Variants in EBAG9 observed in about 807,000 individuals in gnomAD.
The protein encoded by EBAG9 is estrogen receptor binding site associated antigen 9, also known as receptor-binding cancer antigen expressed on SiSo cells.
Under a neutral mutation model 30.9 loss-of-function variants are expected in EBAG9, and 16 were observed. That is an observed-to-expected ratio of 0.52 (90% CI 0.35 to 0.79). The LOEUF (loss-of-function observed/expected upper bound fraction) is 0.79, where lower values mean the gene tolerates loss of function less well. Among genes scored for constraint, EBAG9 ranks in the 30% least tolerant of loss-of-function variants. The pLI is 0.01. For missense variants in EBAG9, 197 were observed against 242.1 expected, an observed-to-expected ratio of 0.81 and a Z score of 1.24; for synonymous variants, 93 against 82.8, an observed-to-expected ratio of 1.12 and a Z score of -0.67.
At chr8:109,541,589 A>G (rs961883059) in intron 1 of EBAG9, among the ~76,000 whole-genome samples, 1 of 152,204 alleles carries the variant, frequency 6.6e-6, no homozygotes, top group African/African-American at 2.4e-5. Context: ...AGTACCTACT[A>G]TGTGCCCGGC....
intron 2 of EBAG9, 84 bp downstream of exon 2, chr8:109,550,991 G>A: frequency 2.4e-6 from 2 of 843,224 alleles, no homozygotes; most frequent in Non-Finnish European, 3.9e-6. Flanking sequence ...TCGTGGACAG[G>A]ACAGGTTATA....
chr8:109,559,341 C>T (rs975317248), intron 5 of EBAG9, among the ~76,000 whole-genome samples: 21 of 151,904 alleles, frequency 1.4e-4, no homozygotes, highest in Admixed American at 1.2e-3. Context: ...CTGTAGTCCT[C>T]GCTACTTGGG....
chr8:109,548,422 G>C (rs1370763697), intron 1 of EBAG9, among the ~76,000 whole-genome samples: 2 of 152,040 alleles, frequency 1.3e-5, no homozygotes, highest in East Asian at 3.9e-4. Flanking sequence ...GATAGTGCTA[G>C]CTGTTTTACC....
rs1821609384 is a variant in EBAG9, at chr8:109,556,938, G to A, written c.325G>A (p.Val109Ile). 6.4e-7 allele frequency: 1 copy of A among 1,570,578 alleles called. No individual in the cohort carries two copies. The highest frequency in any genetic ancestry group is 8.7e-7 in the Non-Finnish European group (1 of 1,153,138). The change falls in exon 5 of 7, where the codon GTT becomes ATT. Residue 109 changes from valine to isoleucine, a missense_variant. Physicochemically the swap from Val to Ile is conservative, Grantham distance 29. Transcript: ENST00000337573. Reference protein sequence around the residue: ...TPTIRKTQKIVIKKREPLNFG... With the variant: ...TPTIRKTQKIIIKKREPLNFG... ...TCTTTTTCAATTAATCTTTCAGATT[G>A]TTATTAAGAAGAGAGAACCATTGAA...
chr8:109,545,723 C>A (rs999510975), intron 1 of EBAG9, among the ~76,000 whole-genome samples: 6 of 152,092 alleles, frequency 3.9e-5, no homozygotes, highest in Non-Finnish European at 8.8e-5. Context: ...TTTTCAATTC[C>A]TATATCATCT....
intron 6 of EBAG9, chr8:109,563,657 A>G: frequency 9.5e-7 from 1 of 1,049,466 alleles, no homozygotes; most frequent in Non-Finnish European, 1.3e-6. Flanking sequence ...AACATGTGTC[A>G]AGGGGGTTTG....
chr8:109,561,768 T>C (rs1016144509), intron 6 of EBAG9, among the ~76,000 whole-genome samples: 3 of 152,066 alleles, frequency 2.0e-5, no homozygotes, highest in Non-Finnish European at 4.4e-5. Flanking sequence ...CATTTTTGTA[T>C]TTTCCTTTCT....
chr8:109,551,093 G>A (rs1455522042), intron 2 of EBAG9, among the ~76,000 whole-genome samples, 186 bp downstream of exon 2: 1 of 151,902 alleles, frequency 6.6e-6, no homozygotes, highest in Non-Finnish European at 1.5e-5. Flanking sequence ...GAAAATAGAG[G>A]TTCAGTTGTT....
chr8:109,558,980 C>T (rs1311984062), intron 5 of EBAG9, among the ~76,000 whole-genome samples: 1 of 152,054 alleles, frequency 6.6e-6, no homozygotes, highest in East Asian at 1.9e-4. Flanking sequence ...AAGGCCATCT[C>T]TACTAAAGGA....
intron 5 of EBAG9, among the ~76,000 whole-genome samples, chr8:109,559,004 T>A (rs1821659251): frequency 6.7e-6 from 1 of 149,534 alleles, no homozygotes; most frequent in African/African-American, 2.5e-5. Flanking sequence ...GATACCACCC[T>A]TTTTAATGGT....
chr8:109,564,552 T>G lies in EBAG9; in HGVS notation c.635T>G (p.Leu212Arg). 6.2e-7 allele frequency: 1 copy of G among 1,611,856 alleles called. No homozygotes were observed. Among genetic ancestry groups the G allele is most frequent in the Non-Finnish European group, 8.5e-7 (1 of 1,178,552 alleles). The change falls in exon 7 of 7, where the codon CTT becomes CGT. Residue 212 changes from leucine (L) to arginine (R), a missense_variant. By Grantham distance (102) the Leu-to-Arg change is moderately radical. Transcript: ENST00000337573. The part of the protein sequence containing the change: ...KKEQNKIGVK[L>R]S ...GAACAAAACAAAATTGGTGTGAAAC[T>G]TTCATAACACATGTTCAAATTTTAT...
intron 2 of EBAG9, among the ~76,000 whole-genome samples, chr8:109,553,132 T>C (rs903387982): frequency 3.3e-4 from 51 of 152,286 alleles, no homozygotes; most frequent in African/African-American, 1.1e-3. Context: ...CCTGCCATTT[T>C]TTGTATGTTG....
chr8:109,546,357 A>G (rs1489942779), intron 1 of EBAG9, among the ~76,000 whole-genome samples: 3 of 152,220 alleles, frequency 2.0e-5, no homozygotes, highest in African/African-American at 7.2e-5. Context: ...TGATGAATAT[A>G]TATACACTCA....
intron 6 of EBAG9, among the ~76,000 whole-genome samples, chr8:109,561,924 G>A (rs188481234): frequency 0.01 from 1,442 of 141,508 alleles, 24 homozygotes; most frequent in African/African-American, 0.037. Flanking sequence ...GTTAGGGGAC[G>A]TCACATTTCA....
chr8:109,550,672 A>T (rs1821474814), intron 1 of EBAG9, 138 bp from the exon 2 acceptor site: 1 of 571,564 alleles, frequency 1.7e-6, no homozygotes, highest in South Asian at 2.3e-5. Flanking sequence ...ATAATTTTAA[A>T]ATTTACTGTG....
intron 1 of EBAG9, among the ~76,000 whole-genome samples, chr8:109,546,423 C>T (rs950845218): frequency 1.3e-5 from 2 of 152,176 alleles, no homozygotes; most frequent in Non-Finnish European, 2.9e-5. Context: ...CCAAAAGTTT[C>T]GTCATGTCTG....
At chr8:109,558,907 G>A (rs1174147945) in intron 5 of EBAG9, among the ~76,000 whole-genome samples, 2 of 151,966 alleles carry the variant, frequency 1.3e-5, no homozygotes, top group African/African-American at 4.8e-5. Flanking sequence ...TTTTTGTTGG[G>A]CAGGTGTATT....
intron 5 of EBAG9, among the ~76,000 whole-genome samples, chr8:109,559,896 A>G (rs962445090): frequency 5.3e-5 from 8 of 152,116 alleles, no homozygotes; most frequent in African/African-American, 1.9e-4. Context: ...CAAGGCTGTC[A>G]TTTGCACTTT....
At chr8:109,550,357 GT>G (rs1821467653) in intron 1 of EBAG9, 1 of 153,030 alleles carries the variant, frequency 6.5e-6, no homozygotes, top group Non-Finnish European at 1.5e-5. Context: ...CTTTGGTCAA[GT>G]TATTTGACCT....
Sources: gnomAD v4.1 joint callset for allele counts (sites outside exome capture counted in the v4.1 genomes callset) on GRCh38, gnomAD v4.1.1 for gene constraint, MANE v1.5 for transcripts, NCBI Gene and HGNC (gene_info 2026-07-23, HGNC 2026-07-21) for gene names.